Variants in SLC5A9 observed in about 807,000 individuals in gnomAD.
The protein encoded by SLC5A9 is sodium/glucose cotransporter 4.
In SLC5A9, 59 loss-of-function variants were observed where a neutral mutation model predicts 70.9. That is an observed-to-expected ratio of 0.83 (90% CI 0.68 to 1.03). SLC5A9 has a LOEUF of 1.03. SLC5A9 is among the 50% of genes least tolerant of loss of function. SLC5A9 has a pLI of 0.00. For missense variants in SLC5A9, 832 were observed against 881.1 expected (o/e 0.94, Z 0.71); for synonymous variants, 340 against 346.5 (o/e 0.98, Z 0.21).
intron 1 of SLC5A9, among the ~76,000 whole-genome samples, chr1:48,224,227 G>A (rs1055061352): frequency 2.0e-5 from 3 of 152,128 alleles, no homozygotes; most frequent in African/African-American, 4.8e-5. Flanking sequence ...CCAGGGCAAG[G>A]GAAACTCCAA....
chr1:48,232,394 A>G lies in SLC5A9; in HGVS notation c.925A>G (p.Lys309Glu). The stretch of plus-strand genomic sequence containing the variant: ...CATTGTGCAGCGGTCTCTCTCGGCC[A>G]AGAGTCTGTCTCATGCCAAGGGAGG... ...QVIVQRSLSAKSLSHAKGGSV... is the reference protein window; with the variant it reads ...QVIVQRSLSAESLSHAKGGSV... Residue 309 changes from lysine to glutamate, a missense_variant, in exon 8 of 14, where the codon AAG (lysine) becomes GAG (glutamate). By Grantham distance (56) the Lys-to-Glu change is moderately conservative. Coordinates refer to ENST00000438567, the MANE Select transcript of SLC5A9 (RefSeq NM_001011547.3). 1 of 1,614,120 alleles carries G rather than the reference A, an allele frequency of 6.2e-7. No individual in the cohort carries two copies. Among genetic ancestry groups the G allele is most frequent in the Non-Finnish European group, 8.5e-7 (1 of 1,180,014 alleles).
chr1:48,244,724 A>C (rs960434757), intron 13 of SLC5A9, among the ~76,000 whole-genome samples: 2 of 137,278 alleles, frequency 1.5e-5, no homozygotes, highest in Non-Finnish European at 3.1e-5. Context: ...ATATATATAT[A>C]TAAAATATAT....
chr1:48,237,879 G>A (rs759258877), intron 11 of SLC5A9, 32 bp downstream of exon 11: 1 of 1,608,524 alleles, frequency 6.2e-7, no homozygotes, highest in Non-Finnish European at 8.5e-7. Context: ...CTCACATACA[G>A]CAGAGGGGCT....
At chr1:48,224,927 T>C (rs1644123248) in intron 2 of SLC5A9, 132 bp downstream of exon 2, 2 of 913,314 alleles carry the variant, frequency 2.2e-6, no homozygotes, top group Non-Finnish European at 3.4e-6. Flanking sequence ...TTCCTGACTC[T>C]GGGCCCCTTC....
In SLC5A9 at chr1:48,232,423, C is replaced by T. The variant is rs201721766; in HGVS notation, c.954C>T (p.Ser318=). The change falls in exon 8 of 14, where the codon TCC becomes TCT. Residue 318 remains serine, a synonymous_variant. Transcript: ENST00000438567. ...GTCTGTCTCATGCCAAGGGAGGCTC[C>T]GTGCTGGGGGGCTACCTGAAGATCC... ...AKSLSHAKGG[S]VLGGYLKILP... 6.1e-5 allele frequency: 99 copies of T among 1,614,138 alleles called. No individual in the cohort carries two copies. The Middle Eastern group carries it at 9.9e-4, about 16-fold the overall frequency.
chr1:48,235,750 C>T lies in SLC5A9; in HGVS notation c.1163C>T (p.Ala388Val), dbSNP rs763159768. ...CCAGGTCTGCGGGGGCTGATGATTG[C>T]CGTGATCATGGCCGCTCTCATGAGC... ...MPVGLRGLMI[A>V]VIMAALMSSL... Residue 388 changes from alanine (A) to valine (V), a missense_variant, in exon 10 of 14, where the codon GCC becomes GTC. Coordinates refer to ENST00000438567, the MANE Select transcript of SLC5A9 (RefSeq NM_001011547.3). 6.2e-7 allele frequency: 1 copy of T among 1,614,190 alleles called. No homozygotes were observed. Among genetic ancestry groups the T allele is most frequent in the Non-Finnish European group, 8.5e-7 (1 of 1,180,038 alleles).
intron 2 of SLC5A9, among the ~76,000 whole-genome samples, chr1:48,225,036 CA>C (rs1644125087): frequency 6.6e-6 from 1 of 150,782 alleles, no homozygotes; most frequent in African/African-American, 2.4e-5. Context: ...CTACATCTGG[CA>C]CTTGACTTGC....
At position 48,239,611 on chromosome 1, in the gene SLC5A9, AC is replaced by A; in HGVS notation, c.1677+75del. The A allele has an allele frequency of 7.1e-7, 1 of 1,411,458 alleles. No individual in the cohort carries two copies. Among genetic ancestry groups the A allele is most frequent in the East Asian group, 2.3e-5 (1 of 43,788 alleles). 87.4% of individuals were successfully genotyped at this position (1,411,458 alleles called of 1,614,324 possible). On this transcript the variant is annotated intron_variant, in intron 12 of 13. Coordinates refer to ENST00000438567, the MANE Select transcript of SLC5A9 (RefSeq NM_001011547.3). The surrounding 1 kb of genome is among the most constrained non-coding windows in gnomAD (Gnocchi z 4.2). ...CCCATAGCCTAGAATTCCACTGCTG[AC>A]TTTTACTCTGTTGGGTTATGGTCTC...
chr1:48,244,568 C>T (rs1307563723), intron 13 of SLC5A9, among the ~76,000 whole-genome samples: 1 of 151,010 alleles, frequency 6.6e-6, no homozygotes, highest in African/African-American at 2.4e-5. Flanking sequence ...AAAAGCTATT[C>T]ATAATGATGG....
Position 48,230,696 on chromosome 1 carries a change from A to G in SLC5A9, c.601A>G (p.Thr201Ala). The G allele has an allele frequency of 6.2e-7, 1 of 1,613,388 alleles. No individual in the cohort carries two copies. The highest frequency in any genetic ancestry group is 8.5e-7 in the Non-Finnish European group (1 of 1,179,408). The change falls in exon 5 of 14, where the codon ACC becomes GCC. Residue 201 changes from threonine to alanine, a missense_variant. Transcript: ENST00000438567. Reference sequence around the variant, plus strand: ...CCTGCTGGTGGTGACTGCCGTCTACACCATTGCAGGTAGGCAGAGGGAAGA... The same window carrying G: ...CCTGCTGGTGGTGACTGCCGTCTACGCCATTGCAGGTAGGCAGAGGGAAGA... Reference protein sequence around the residue: ...GILLVVTAVYTIAGGLMAVIY... With the variant: ...GILLVVTAVYAIAGGLMAVIY...
rs1040576688 is a variant in SLC5A9, at chr1:48,246,422, C to A, written c.1838-913C>A. ...AACTTACCAGCTACCACATTCTAAA[C>A]CCATTAAAATAATAAAGCAATCATT... is the stretch of plus-strand genomic sequence containing the variant. On this transcript the variant is annotated intron_variant, in intron 13 of 13. Coordinates refer to ENST00000438567, the MANE Select transcript of SLC5A9 (RefSeq NM_001011547.3). Among the ~76,000 whole-genome samples, 8 of 152,124 alleles carry A rather than the reference C, an allele frequency of 5.3e-5. 1 individual carries two copies. Among genetic ancestry groups the A allele is most frequent in the Admixed American group, 5.2e-4 (8 of 15,278 alleles).
intron 13 of SLC5A9, among the ~76,000 whole-genome samples, chr1:48,243,299 T>C (rs1361381529): frequency 1.3e-5 from 2 of 152,150 alleles, no homozygotes; most frequent in Non-Finnish European, 1.5e-5. Flanking sequence ...TCTGTTTTCA[T>C]GAGGTTCCTA....
Position 48,247,967 on chromosome 1 carries a change from C to T in SLC5A9, c.*424C>T, listed in dbSNP as rs745521865. Reference sequence around the variant, plus strand: ...CCTTTGCTCCCCCTTATCCTCCTTCCTCTTCCCCTTTCTAGTTCCCCTACC... The same window carrying T: ...CCTTTGCTCCCCCTTATCCTCCTTCTTCTTCCCCTTTCTAGTTCCCCTACC... On this transcript the variant is annotated 3_prime_UTR_variant, in exon 14 of 14. Transcript: ENST00000438567. 2.7e-5 allele frequency: 5 copies of T among 182,638 alleles called. No homozygotes were observed. The highest frequency in any genetic ancestry group is 5.3e-5 in the Admixed American group (1 of 18,718). 11.3% of individuals were successfully genotyped at this position (182,638 alleles called of 1,614,324 possible). A position where few individuals can be genotyped will look rare whatever the true frequency, so the allele number is the denominator to read the frequency against.
rs757621960 is a variant in SLC5A9, at chr1:48,230,720, G to C, written c.610+15G>C. 1 of 1,590,766 alleles carries C rather than the reference G, an allele frequency of 6.3e-7. No individual in the cohort carries two copies. Among genetic ancestry groups the C allele is most frequent in the South Asian group, 1.1e-5 (1 of 90,532 alleles). On this transcript the variant is annotated intron_variant, in intron 5 of 13. Coordinates refer to ENST00000438567, the MANE Select transcript of SLC5A9 (RefSeq NM_001011547.3). ...CACCATTGCAGGTAGGCAGAGGGAA[G>C]AGGGCAAGAGGAAAGCTTCTGACTG...
Position 48,248,599 on chromosome 1 carries a change from CAG to C in SLC5A9, c.*1058_*1059del, listed in dbSNP as rs1201662436. On this transcript the variant is annotated 3_prime_UTR_variant, in exon 14 of 14. Coordinates refer to ENST00000438567, the MANE Select transcript of SLC5A9 (RefSeq NM_001011547.3). Reference sequence around the variant, plus strand: ...GCCATATCCCAAGTGACTTTGTACCCAGAAAATAACAGCTGTTCAATAAATGT... The same window carrying C: ...GCCATATCCCAAGTGACTTTGTACCCAAAATAACAGCTGTTCAATAAATGT... 1 of 152,288 alleles carries C rather than the reference CAG, an allele frequency of 6.6e-6. No homozygotes were observed. Among genetic ancestry groups the C allele is most frequent in the African/African-American group, 2.4e-5 (1 of 41,454 alleles). 9.4% of individuals were successfully genotyped at this position (152,288 alleles called of 1,614,324 possible).
chr1:48,233,870 T>C, intron 9 of SLC5A9, 108 bp downstream of exon 9: 1 of 785,326 alleles, frequency 1.3e-6, no homozygotes, highest in Non-Finnish European at 2.2e-6. Context: ...GGAAGAAAAC[T>C]ATTCACCTCT....
At chr1:48,247,312 G>T (rs1439010905) in intron 13 of SLC5A9, 23 bp from the exon 14 acceptor site, 2 of 1,609,760 alleles carry the variant, frequency 1.2e-6, no homozygotes, top group East Asian at 4.5e-5. Flanking sequence ...GCTCTCCTTT[G>T]TCTTCTGGCT....
chr1:48,226,015 C>T (rs1249634071), intron 2 of SLC5A9, among the ~76,000 whole-genome samples: 1 of 152,090 alleles, frequency 6.6e-6, no homozygotes, highest in Non-Finnish European at 1.5e-5. Context: ...CTCCAGGGCT[C>T]TCTGGAAGGT....
chr1:48,227,680 G>A (rs539342702), intron 2 of SLC5A9, among the ~76,000 whole-genome samples: 12 of 152,254 alleles, frequency 7.9e-5, no homozygotes, highest in Admixed American at 2.6e-4. Flanking sequence ...GAGTGTGCAT[G>A]TGCACATGTC....
Sources: gnomAD v4.1 joint callset for allele counts (sites outside exome capture counted in the v4.1 genomes callset) on GRCh38, gnomAD v4.1.1 for gene constraint, Gnocchi (gnomAD v3.1) non-coding constraint, MANE v1.5 for transcripts, NCBI Gene and HGNC (gene_info 2026-07-23, HGNC 2026-07-21) for gene names.